The following BST1 variants were observed in gnomAD, a reference collection of about 807,000 sequenced individuals.
BST1 encodes the protein ADP-ribosyl cyclase/cyclic ADP-ribose hydrolase 2.
A neutral mutation model predicts 40.6 loss-of-function variants in BST1; 49 were observed. That is an observed-to-expected ratio of 1.21 (90% CI 0.96 to 1.53). The LOEUF is 1.53. BST1 is among the 40% of genes most tolerant of loss of function. BST1 has a pLI of 0.00. For missense variants in BST1, 423 were observed against 395.9 expected (o/e 1.07, Z -0.58); for synonymous variants, 157 against 159.3 (o/e 0.99, Z 0.11).
chr4:15,749,702 G>A, the BST1 span, among the ~76,000 whole-genome samples: 6 of 151,284 alleles, frequency 4.0e-5, no homozygotes, highest in South Asian at 2.1e-4. Flanking sequence ...TTATTTTTTT[G>A]TGGGCTCATA....
At chr4:15,769,280 C>T in the BST1 span, among the ~76,000 whole-genome samples, 1 of 152,240 alleles carries the variant, frequency 6.6e-6, no homozygotes, top group Non-Finnish European at 1.5e-5. Flanking sequence ...GCTGCTTATT[C>T]TGCAGGCGTT....
intron 8 of BST1, among the ~76,000 whole-genome samples, chr4:15,723,999 C>T (rs555664785): frequency 6.6e-5 from 10 of 152,228 alleles, no homozygotes; most frequent in South Asian, 2.1e-4. Flanking sequence ...AATTCTTTTC[C>T]GAAATCTATT....
At chr4:15,735,600 G>T (rs766425191), downstream of BST1, among the ~76,000 whole-genome samples, 2 of 152,180 alleles carry the variant, frequency 1.3e-5, no homozygotes, top group Admixed American at 6.5e-5. Flanking sequence ...AGCAGCATAA[G>T]ACTTTTGGGT....
At chr4:15,758,788 G>A in the BST1 span, among the ~76,000 whole-genome samples, 66 of 152,202 alleles carry the variant, frequency 4.3e-4, 3 homozygotes, top group African/African-American at 1.5e-3. Context: ...GTGAGAATAT[G>A]CAGTATTATT....
In BST1 at chr4:15,705,518, C is replaced by T; in HGVS notation, c.192C>T (p.Asn64=). The T allele has an allele frequency of 6.3e-7, 1 of 1,577,364 alleles. No homozygotes were observed. The highest frequency in any genetic ancestry group is 8.6e-7 in the Non-Finnish European group (1 of 1,164,568). ...CCCAACTTGTACTTTTGCACAGGAA[C>T]AAGAACTGCACAGCCATCTGGGAAG... ...YRALLSPEQR[N]KNCTAIWEAF... is the part of the protein sequence containing the mutation. Residue 64 remains asparagine, a synonymous_variant, in exon 2 of 9, where the codon AAC becomes AAT. Transcript: ENST00000265016.
At chr4:15,733,908 G>A (rs145368536), downstream of BST1, among the ~76,000 whole-genome samples, 4 of 152,294 alleles carry the variant, frequency 2.6e-5, no homozygotes, top group East Asian at 7.7e-4. Context: ...TAGAATATTT[G>A]TAGAATGGAG....
chr4:15,741,053 T>A (rs1233158045), downstream of BST1, among the ~76,000 whole-genome samples: 2 of 151,810 alleles, frequency 1.3e-5, no homozygotes, highest in Non-Finnish European at 1.5e-5. Context: ...TGATTAGGAG[T>A]CTTGGGAAGA....
the BST1 span, among the ~76,000 whole-genome samples, chr4:15,750,160 G>C: frequency 6.6e-6 from 1 of 152,032 alleles, no homozygotes. Flanking sequence ...GAGTGGCTGG[G>C]ATTACAGGTG....
intron 2 of BST1, 53 bp from the exon 3 acceptor site, chr4:15,707,458 G>C: frequency 6.2e-7 from 1 of 1,611,816 alleles, no homozygotes; most frequent in Non-Finnish European, 8.5e-7. Context: ...TGTGCCTGAG[G>C]AGTCGGTTTT....
At chr4:15,750,307 G>A in the BST1 span, among the ~76,000 whole-genome samples, 1 of 152,176 alleles carries the variant, frequency 6.6e-6, no homozygotes, top group Non-Finnish European at 1.5e-5. Flanking sequence ...TTACAGGAGT[G>A]AGCCACTGTG....
intron 7 of BST1, among the ~76,000 whole-genome samples, chr4:15,719,807 G>T (rs1007646684): frequency 5.3e-5 from 8 of 152,138 alleles, no homozygotes; most frequent in African/African-American, 1.7e-4. Flanking sequence ...GCTGAGCAAA[G>T]CACCCTAAAC....
chr4:15,770,838 A>G, the BST1 span, among the ~76,000 whole-genome samples: 1 of 152,218 alleles, frequency 6.6e-6, no homozygotes, highest in Non-Finnish European at 1.5e-5. Context: ...CCCTATACAC[A>G]TTACCTGATT....
Position 15,720,109 on chromosome 4 carries a change from G to A in BST1, c.791+1116G>A, listed in dbSNP as rs373786990. Among the ~76,000 whole-genome samples the A allele has an allele frequency of 2.1e-3, 321 of 152,198 alleles. 13 individuals carry two copies. In the South Asian group the frequency reaches 0.062, roughly 29 times the overall value. On this transcript the variant is annotated intron_variant, in intron 7 of 8. Transcript: ENST00000265016. The stretch of plus-strand genomic sequence containing the variant: ...AAACAGAACATACTCAGCATCCCCA[G>A]GGGCTCCCATTGGCCTCTTTTGGTC...
intron 3 of BST1, among the ~76,000 whole-genome samples, chr4:15,707,855 C>CTCTCTCTCTCTATATA (rs544633858): frequency 7.8e-6 from 1 of 128,628 alleles, no homozygotes; most frequent in African/African-American, 2.9e-5. Flanking sequence ...CTCTCTCTCT[C>CTCTCTCTCTCTATATA]TATATATATA....
chr4:15,729,290 A>C (rs1721268433), intron 8 of BST1, among the ~76,000 whole-genome samples: 1 of 152,076 alleles, frequency 6.6e-6, no homozygotes, highest in South Asian at 2.1e-4. Context: ...CGCCTCTACA[A>C]GCAAACAAAC....
the BST1 span, among the ~76,000 whole-genome samples, chr4:15,766,367 G>T: frequency 6.6e-6 from 1 of 151,940 alleles, no homozygotes; most frequent in Admixed American, 6.6e-5. Context: ...CACCAGATCT[G>T]TTAAGCTGCG....
At chr4:15,724,703 TAA>T (rs1721004210) in intron 8 of BST1, among the ~76,000 whole-genome samples, 1 of 136,962 alleles carries the variant, frequency 7.3e-6, no homozygotes, top group Admixed American at 7.2e-5. Context: ...TAAAATAAAA[TAA>T]GAGAGAGAGA....
intron 2 of BST1, among the ~76,000 whole-genome samples, chr4:15,706,458 C>T (rs139197222): frequency 1.3e-5 from 2 of 152,154 alleles, no homozygotes; most frequent in Admixed American, 1.3e-4. Flanking sequence ...TTATTTAGTA[C>T]CAGTTTATTT....
At position 15,705,767 on chromosome 4, in the gene BST1, A is replaced by T. The variant is rs1719849028; in HGVS notation, c.315+126A>T. On this transcript the variant is annotated intron_variant, in intron 2 of 8. Coordinates refer to ENST00000265016, the MANE Select transcript of BST1 (RefSeq NM_004334.3). ...ATGTCACAGAAACATCAGGCAGCAC[A>T]CATAATGTGTGTGCTGAGCTCTCTG... 16 of 1,281,532 alleles carry T rather than the reference A, an allele frequency of 1.2e-5. No homozygotes were observed. In the South Asian group the frequency reaches 2.1e-4, roughly 17 times the overall value. The allele number at this position is 1,281,532 out of a possible 1,614,324, so 79.4% of individuals were successfully genotyped here. A position where few individuals can be genotyped will look rare whatever the true frequency, so the allele number is the denominator to read the frequency against.
Sources: allele counts gnomAD v4.1 joint callset (sites outside exome capture counted in the v4.1 genomes callset), GRCh38; gene constraint gnomAD v4.1.1; transcripts MANE v1.5; gene names NCBI Gene and HGNC (gene_info 2026-07-23, HGNC 2026-07-21).